RNF14: variants seen among roughly 807,000 people sequenced by gnomAD.
The protein encoded by RNF14 is ring finger protein 14, also known as E3 ubiquitin-protein ligase RNF14.
In RNF14, 26 loss-of-function variants were observed where a neutral mutation model predicts 52.6. That is an observed-to-expected ratio of 0.49 (90% CI 0.36 to 0.69). The LOEUF is 0.69. Ranked by LOEUF, RNF14 falls within the 30% of genes least tolerant of loss-of-function variation. The pLI, the probability that RNF14 is intolerant of heterozygous loss-of-function variation, is 0.00. For missense variants in RNF14, 404 were observed against 560.4 expected (o/e 0.72, Z 2.82); for synonymous variants, 194 against 202.0 (o/e 0.96, Z 0.34).
At chr5:141,971,563 TTTTCTTTCTTTCTTTC>T (rs746341507) in intron 2 of RNF14, among the ~76,000 whole-genome samples, 4,842 of 54,820 alleles carry the variant, frequency 0.088, 104 homozygotes, top group South Asian at 0.13. Context: ...GCTAATTTCT[TTTTCTTTCTTTCTTTC>T]TTTCTTTCTT....
upstream of RNF14, chr5:141,957,963 GCTGCCGGCACAACCTTGTCC>G: frequency 8.0e-7 from 1 of 1,257,562 alleles, no homozygotes; most frequent in Non-Finnish European, 1.1e-6. This position sits in a 1 kb window ranked among gnomAD's most constrained non-coding sequence, Gnocchi z 4.3. Context: ...TTCCCCCAGA[GCTGCCGGCACAACCTTGTCC>G]CATAGTTAGA....
upstream of RNF14, among the ~76,000 whole-genome samples, chr5:141,965,580 C>G (rs1753327100): frequency 6.6e-6 from 1 of 152,154 alleles, no homozygotes; most frequent in South Asian, 2.1e-4. Context: ...TACAAAAAAC[C>G]CTTATTCTCT....
chr5:141,978,985 C>T (rs1754510271), intron 5 of RNF14, among the ~76,000 whole-genome samples, 155 bp downstream of exon 5: 1 of 152,206 alleles, frequency 6.6e-6, no homozygotes, highest in South Asian at 2.1e-4. Context: ...ATGCTATGGT[C>T]TTAGTCTACT....
chr5:141,985,316 G>A (rs1293912228), intron 8 of RNF14, among the ~76,000 whole-genome samples: 1 of 152,086 alleles, frequency 6.6e-6, no homozygotes, highest in Non-Finnish European at 1.5e-5. Flanking sequence ...TTTCTCCTAA[G>A]ATAAGGAAAT....
chr5:141,955,359 G>A (rs1463636226), upstream of RNF14: 1 of 1,614,118 alleles, frequency 6.2e-7, no homozygotes, highest in Non-Finnish European at 8.5e-7. The surrounding 1 kb of genome is among the most constrained non-coding windows in gnomAD (Gnocchi z 5.5). Flanking sequence ...GTGCTCCCTG[G>A]TTGCCTTGAT....
chr5:141,980,032 A>G, intron 5 of RNF14, 91 bp from the exon 6 acceptor site: 1 of 971,866 alleles, frequency 1.0e-6, no homozygotes, highest in Non-Finnish European at 1.6e-6. Context: ...TTATGTGCCC[A>G]TCTGGTTTAC....
intron 1 of RNF14, among the ~76,000 whole-genome samples, chr5:141,960,581 T>G (rs1309153930): frequency 2.0e-5 from 3 of 152,174 alleles, no homozygotes; most frequent in African/African-American, 7.2e-5. Flanking sequence ...TGGCTAAGAA[T>G]TTAGACCTTG....
intron 4 of RNF14, among the ~76,000 whole-genome samples, chr5:141,975,679 A>T (rs188836137): frequency 4.6e-5 from 7 of 152,354 alleles, no homozygotes; most frequent in Admixed American, 4.6e-4. Context: ...CTGCTTTTCT[A>T]GAAGTCATAA....
upstream of RNF14, chr5:141,957,077 G>A (rs1029364113): frequency 6.2e-7 from 1 of 1,614,180 alleles, no homozygotes; most frequent in South Asian, 1.1e-5. The surrounding 1 kb of genome is among the most constrained non-coding windows in gnomAD (Gnocchi z 4.3). Flanking sequence ...AGCGTACCAG[G>A]TGCAGCATCT....
rs376859005 is a variant in RNF14, at chr5:141,989,788, G to T, written c.*1998G>T. ...GTTCTACAGTATATACCTGAGAAGA[G>T]TGATTTCTGTGATCAAAGAGTTCAA... On this transcript the variant is annotated 3_prime_UTR_variant, in exon 9 of 9. Coordinates refer to ENST00000394520, the MANE Select transcript of RNF14 (RefSeq NM_004290.5). 1.3e-4 allele frequency: 20 copies of T among 152,184 alleles called. No individual in the cohort carries two copies. The highest frequency in any genetic ancestry group is 4.3e-4 in the African/African-American group (18 of 41,530). 9.4% of individuals were successfully genotyped at this position (152,184 alleles called of 1,614,324 possible). A position where few individuals can be genotyped will look rare whatever the true frequency, so the allele number is the denominator to read the frequency against.
upstream of RNF14, among the ~76,000 whole-genome samples, chr5:141,966,303 C>T (rs997328804): frequency 6.6e-6 from 1 of 151,906 alleles, no homozygotes; most frequent in African/African-American, 2.4e-5. Context: ...AAAACAAAAC[C>T]CCAAAGTATA....
chr5:141,955,073 C>G, upstream of RNF14: 1 of 1,614,202 alleles, frequency 6.2e-7, no homozygotes, highest in South Asian at 1.1e-5. This position sits in a 1 kb window ranked among gnomAD's most constrained non-coding sequence, Gnocchi z 5.5. Context: ...TGACGGGGCC[C>G]TGATTCTTTC....
chr5:141,977,411 T>G lies in RNF14; in HGVS notation c.307-892T>G, dbSNP rs754752234. ...CATTTGTCATTTAAATTTACAAAATTTGTTTGCCATCTGGAAGGCATATTT... is the reference window on the plus strand; with the variant it reads ...CATTTGTCATTTAAATTTACAAAATGTGTTTGCCATCTGGAAGGCATATTT... On this transcript the variant is annotated intron_variant, in intron 4 of 8. Coordinates refer to ENST00000394520, the MANE Select transcript of RNF14 (RefSeq NM_004290.5). Among the ~76,000 whole-genome samples the G allele has an allele frequency of 3.3e-5, 5 of 152,224 alleles. No individual in the cohort carries two copies. In the South Asian group the frequency reaches 6.2e-4, roughly 19 times the overall value.
chr5:141,956,077 A>G (rs777523382), upstream of RNF14: 5 of 1,614,138 alleles, frequency 3.1e-6, no homozygotes, highest in South Asian at 5.5e-5. Flanking sequence ...GGGAGTCTCG[A>G]TGGGCACCAG....
At chr5:141,954,151 G>C (rs532959567), upstream of RNF14, among the ~76,000 whole-genome samples, 5 of 152,306 alleles carry the variant, frequency 3.3e-5, no homozygotes, top group South Asian at 1.0e-3. Flanking sequence ...TGAAGGACGT[G>C]TACAAGGTTG....
At chr5:141,985,023 G>T (rs1755113019) in intron 8 of RNF14, 90 bp downstream of exon 8, 16 of 1,122,774 alleles carry the variant, frequency 1.4e-5, no homozygotes, top group Non-Finnish European at 1.9e-5. Flanking sequence ...TAAGTACTTG[G>T]ACTTATTTAG....
At chr5:141,949,939 G>T in the RNF14 span, among the ~76,000 whole-genome samples, 2 of 152,196 alleles carry the variant, frequency 1.3e-5, no homozygotes, top group Admixed American at 1.3e-4. Context: ...TCTAGGTATT[G>T]CCTGGCACAC....
At chr5:141,968,527 C>A (rs1001519733), upstream of RNF14, among the ~76,000 whole-genome samples, 1 of 152,218 alleles carries the variant, frequency 6.6e-6, no homozygotes, top group African/African-American at 2.4e-5. Context: ...TGACGATAAT[C>A]ATGTGACCCT....
chr5:141,981,376 G>T (rs1754758836), intron 6 of RNF14, among the ~76,000 whole-genome samples: 1 of 152,062 alleles, frequency 6.6e-6, no homozygotes, highest in Non-Finnish European at 1.5e-5. Context: ...TATTCAGAAG[G>T]CTACAGCAGG....
Sources: gnomAD v4.1 joint callset for allele counts (sites outside exome capture counted in the v4.1 genomes callset) on GRCh38, gnomAD v4.1.1 for gene constraint, Gnocchi (gnomAD v3.1) non-coding constraint, MANE v1.5 for transcripts, NCBI Gene and HGNC (gene_info 2026-07-23, HGNC 2026-07-21) for gene names.